The following PXDNL variants were observed in gnomAD, a reference collection of about 807,000 sequenced individuals.
PXDNL encodes peroxidasin like.
In PXDNL, 145 loss-of-function variants were observed where a neutral mutation model predicts 150.8. The ratio of observed to expected loss-of-function variants is 0.96; its 90% confidence interval spans 0.84 to 1.10. The LOEUF (loss-of-function observed/expected upper bound fraction) is 1.10, where lower values mean the gene tolerates loss of function less well. Ranked by LOEUF, PXDNL falls within the 50% of genes least tolerant of loss-of-function variation. The pLI is 0.00. For missense variants in PXDNL, 2,087 were observed against 1,873.9 expected (o/e 1.11, Z -2.10); for synonymous variants, 757 against 725.7 (o/e 1.04, Z -0.69).
rs544540139 is a variant in PXDNL, at chr8:51,534,093, C to G, written c.380+22747G>C. ...CTAGGAAGTGAGGCGTGTCTCTGCC[C>G]GGCCGCCCATGTCTGAGATGTGGGG... On this transcript the variant is annotated intron_variant, in intron 4 of 22. Coordinates refer to ENST00000356297, the MANE Select transcript of PXDNL (RefSeq NM_144651.5). Among the ~76,000 whole-genome samples, 4 of 144,392 alleles carry G rather than the reference C, an allele frequency of 2.8e-5. No homozygotes were observed. The Middle Eastern group carries it at 0.01, about 376-fold the overall frequency. 94.7% of individuals were successfully genotyped at this position (144,392 alleles called of 152,430 possible). A position where few individuals can be genotyped will look rare whatever the true frequency, so the allele number is the denominator to read the frequency against.
In PXDNL at chr8:51,650,040, T is replaced by C. The variant is rs367988215; in HGVS notation, c.236+4649A>G. Among the ~76,000 whole-genome samples the C allele has an allele frequency of 2.1e-4, 31 of 149,126 alleles. No homozygotes were observed. The South Asian group carries it at 6.4e-3, about 31-fold the overall frequency. Reference sequence around the variant, plus strand: ...ATCACTTAAACCCCTGAGGCAGAGGTTGTAGTGAGCTGAGATCTGCTACCG... The same window carrying C: ...ATCACTTAAACCCCTGAGGCAGAGGCTGTAGTGAGCTGAGATCTGCTACCG... On this transcript the variant is annotated intron_variant, in intron 2 of 22. Transcript: ENST00000356297.
At chr8:51,741,534 A>C (rs540503152) in intron 1 of PXDNL, among the ~76,000 whole-genome samples, 5 of 152,210 alleles carry the variant, frequency 3.3e-5, no homozygotes. Context: ...GACAACTCGC[A>C]AAATTTGAAA....
chr8:51,359,925 C>G (rs983244967), intron 19 of PXDNL, among the ~76,000 whole-genome samples: 26 of 152,004 alleles, frequency 1.7e-4, no homozygotes, highest in African/African-American at 6.0e-4. Flanking sequence ...GTAAGATGCT[C>G]TTCACTGTTC....
intron 1 of PXDNL, among the ~76,000 whole-genome samples, chr8:51,725,000 T>A (rs1298191335): frequency 6.6e-6 from 1 of 152,140 alleles, no homozygotes; most frequent in Non-Finnish European, 1.5e-5. Context: ...TTCTTTTTCT[T>A]TTTTGGAGAT....
chr8:51,645,068 C>T (rs374082892), intron 2 of PXDNL, among the ~76,000 whole-genome samples: 1 of 152,026 alleles, frequency 6.6e-6, no homozygotes, highest in Non-Finnish European at 1.5e-5. Context: ...CAGGAAAGCC[C>T]GTGGTACAGT....
At chr8:51,344,054 C>T (rs959209364) in intron 20 of PXDNL, among the ~76,000 whole-genome samples, 1 of 152,096 alleles carries the variant, frequency 6.6e-6, no homozygotes, top group Non-Finnish European at 1.5e-5. Flanking sequence ...TTCTTCATTC[C>T]TAGTTATTGA....
At chr8:51,437,881 G>C (rs148431807) in intron 12 of PXDNL, among the ~76,000 whole-genome samples, 38 of 152,250 alleles carry the variant, frequency 2.5e-4, no homozygotes, top group Non-Finnish European at 5.0e-4. Context: ...ACTGTTTGCT[G>C]ATGATATGAT....
chr8:51,387,753 T>C (rs898056880), intron 17 of PXDNL, among the ~76,000 whole-genome samples: 1 of 152,232 alleles, frequency 6.6e-6, no homozygotes, highest in African/African-American at 2.4e-5. Context: ...TGTTTTTATT[T>C]TCACCTTAAA....
chr8:51,437,706 T>C (rs983477227), intron 12 of PXDNL, among the ~76,000 whole-genome samples: 3 of 152,172 alleles, frequency 2.0e-5, no homozygotes, highest in Non-Finnish European at 4.4e-5. Flanking sequence ...ATAAAAGCCA[T>C]CTATGATAAA....
chr8:51,411,401 A>C lies in PXDNL; in HGVS notation c.1911T>G (p.Pro637=), dbSNP rs774565625. Residue 637 remains proline, a synonymous_variant, in exon 16 of 23, where the codon CCT becomes CCG. Transcript: ENST00000356297. ...STRRHLFSQK[P]HTSSDLLAQF... Reference sequence around the variant, plus strand: ...GAGCCAGCAGGTCACTGGAGGTGTGAGGTTTTCTGCAAATGACAAAACACA... The same window carrying C: ...GAGCCAGCAGGTCACTGGAGGTGTGCGGTTTTCTGCAAATGACAAAACACA... 1.9e-6 allele frequency: 3 copies of C among 1,573,370 alleles called. No homozygotes were observed. The highest frequency in any genetic ancestry group is 2.3e-5 in the East Asian group (1 of 42,738).
intron 1 of PXDNL, among the ~76,000 whole-genome samples, chr8:51,793,099 C>T (rs1443694801): frequency 1.3e-5 from 2 of 152,138 alleles, no homozygotes; most frequent in African/African-American, 4.8e-5. Context: ...CAGGTTGGTG[C>T]CCCTCTGGGA....
At chr8:51,524,551 GGA>G (rs1563449711) in intron 4 of PXDNL, among the ~76,000 whole-genome samples, 3 of 151,974 alleles carry the variant, frequency 2.0e-5, no homozygotes. Context: ...CACCTAATAT[GGA>G]GTGAAGCACA....
At chr8:51,764,400 G>C (rs1284420291) in intron 1 of PXDNL, among the ~76,000 whole-genome samples, 1 of 146,212 alleles carries the variant, frequency 6.8e-6, no homozygotes, top group Non-Finnish European at 1.5e-5. Flanking sequence ...TTAAGTGAAA[G>C]TTTATTTATT....
chr8:51,365,655 A>C (rs1427532105), intron 19 of PXDNL, among the ~76,000 whole-genome samples: 1 of 152,214 alleles, frequency 6.6e-6, no homozygotes, highest in East Asian at 1.9e-4. Flanking sequence ...CTGGAATGAC[A>C]AAAACTCAAA....
At chr8:51,559,350 C>G (rs1329199609) in intron 3 of PXDNL, among the ~76,000 whole-genome samples, 2 of 143,332 alleles carry the variant, frequency 1.4e-5, no homozygotes, top group African/African-American at 2.6e-5. Context: ...CCCCCGCCAC[C>G]TTCTTTCCTG....
rs139453513 is a variant in PXDNL, at chr8:51,772,184, G to GTC, written c.164+36995_164+36996dup. Among the ~76,000 whole-genome samples, 1,139 of 148,046 alleles carry GTC rather than the reference G, an allele frequency of 7.7e-3. 8 individuals are homozygous for GTC. The highest frequency in any genetic ancestry group is 0.017 in the Middle Eastern group (5 of 288). On this transcript the variant is annotated intron_variant, in intron 1 of 22. Coordinates refer to ENST00000356297, the MANE Select transcript of PXDNL (RefSeq NM_144651.5). Reference sequence around the variant, plus strand: ...AACCAGCAGCACTGCCTGGCTCTGGGTCTCTCTCTCTCTCTCTCTGTCTCT... The same window carrying GTC: ...AACCAGCAGCACTGCCTGGCTCTGGGTCTCTCTCTCTCTCTCTCTCTGTCTCT...
At chr8:51,510,790 G>A (rs905286978) in intron 4 of PXDNL, among the ~76,000 whole-genome samples, 4 of 152,196 alleles carry the variant, frequency 2.6e-5, no homozygotes, top group African/African-American at 9.7e-5. Context: ...GAGGTCAGGA[G>A]TTTGTGACCA....
At chr8:51,648,142 G>T (rs16916654) in intron 2 of PXDNL, among the ~76,000 whole-genome samples, 1 of 151,902 alleles carries the variant, frequency 6.6e-6, no homozygotes, top group Non-Finnish European at 1.5e-5. Flanking sequence ...CTCTCATTAC[G>T]ACTATTACTA....
chr8:51,404,451 C>G (rs1808376377), intron 17 of PXDNL, among the ~76,000 whole-genome samples: 1 of 150,000 alleles, frequency 6.7e-6, no homozygotes, highest in East Asian at 1.9e-4. Context: ...CTCCAAGTCC[C>G]CACCAGATTA....
Sources: gnomAD v4.1 joint callset for allele counts (sites outside exome capture counted in the v4.1 genomes callset) on GRCh38, gnomAD v4.1.1 for gene constraint, MANE v1.5 for transcripts, NCBI Gene and HGNC (gene_info 2026-07-23, HGNC 2026-07-21) for gene names.